The following MTAP variants were observed in gnomAD, a reference collection of about 807,000 sequenced individuals.
MTAP encodes the protein S-methyl-5'-thioadenosine phosphorylase.
A neutral mutation model predicts 33.6 loss-of-function variants in MTAP; 33 were observed. The observed-to-expected ratio is 0.98, with a 90% CI of 0.74 to 1.31. The LOEUF (loss-of-function observed/expected upper bound fraction) is 1.31, where lower values mean the gene tolerates loss of function less well. Ranked by LOEUF, MTAP falls within the 40% of genes most tolerant of loss-of-function variation. The probability of loss-of-function intolerance (pLI) is 0.00; values close to 1 mark genes in which losing one functional copy is unlikely to be tolerated. For missense variants in MTAP, 367 were observed against 360.0 expected, an observed-to-expected ratio of 1.02 and a Z score of -0.16; for synonymous variants, 148 against 125.7, an observed-to-expected ratio of 1.18 and a Z score of -1.19.
intron 4 of MTAP, among the ~76,000 whole-genome samples, chr9:21,834,643 T>C (rs1825057740): frequency 6.6e-6 from 1 of 152,216 alleles, no homozygotes. Flanking sequence ...ATGCTGACAT[T>C]GACTCTTCTG....
intron 4 of MTAP, among the ~76,000 whole-genome samples, chr9:21,820,925 T>C (rs898180328): frequency 6.6e-6 from 1 of 152,036 alleles, no homozygotes; most frequent in African/African-American, 2.4e-5. Context: ...GGCTCTCTGT[T>C]TGTCTGTTAT....
chr9:21,917,021 A>AT (rs1355301518), intron 1 of MTAP, among the ~76,000 whole-genome samples: 4 of 152,236 alleles, frequency 2.6e-5, no homozygotes, highest in Non-Finnish European at 4.4e-5. Flanking sequence ...AAGTAGAGCT[A>AT]TAAGATTTAC....
chr9:21,817,744 T>C (rs1346893802), intron 3 of MTAP, among the ~76,000 whole-genome samples: 1 of 152,064 alleles, frequency 6.6e-6, no homozygotes, highest in Admixed American at 6.5e-5. Context: ...TTACCATTTT[T>C]CTATTGGCTG....
intron 1 of MTAP, among the ~76,000 whole-genome samples, chr9:21,879,300 T>C (rs905588695): frequency 6.6e-6 from 1 of 152,190 alleles, no homozygotes; most frequent in Non-Finnish European, 1.5e-5. Flanking sequence ...TTTACCATTA[T>C]ATAATGCCCT....
In MTAP at chr9:21,873,616, CA is replaced by C. The variant is rs112032392; in HGVS notation, c.147+18747del. On this transcript the variant is annotated intron_variant, in intron 1 of 1. Transcript: ENST00000577563. ...ATCTTGGACTTCCACCCCCGCCCCC[CA>C]CCCCAAGAACTGTGAGAAACAACTT... Among the ~76,000 whole-genome samples, 468 of 99,042 alleles carry C rather than the reference CA, an allele frequency of 4.7e-3. 14 individuals are homozygous for C. Among genetic ancestry groups the C allele is most frequent in the Middle Eastern group, 0.025 (3 of 122 alleles). The allele number at this position is 99,042 out of a possible 152,430, so 65.0% of individuals were successfully genotyped here. A position where few individuals can be genotyped will look rare whatever the true frequency, so the allele number is the denominator to read the frequency against.
intron 1 of MTAP, among the ~76,000 whole-genome samples, chr9:21,875,873 T>G (rs1172034895): frequency 6.6e-6 from 1 of 152,056 alleles, no homozygotes; most frequent in Non-Finnish European, 1.5e-5. Flanking sequence ...TTGATGTATG[T>G]TCCTCTGGGT....
chr9:21,877,894 C>T (rs547595413), intron 1 of MTAP, among the ~76,000 whole-genome samples: 1 of 151,996 alleles, frequency 6.6e-6, no homozygotes, highest in Non-Finnish European at 1.5e-5. Context: ...GGGAGGAGTC[C>T]CTCCTCCTCA....
chr9:21,803,036 A>ACACACACACACACC lies in MTAP; in HGVS notation c.33+256_33+257insACACACACACACCC, dbSNP rs1020757334. On this transcript the variant is annotated intron_variant, in intron 1 of 7. Coordinates refer to ENST00000644715, the MANE Select transcript of MTAP (RefSeq NM_002451.4). ...CACACACACACACACACACACACACACCACCTTTTGGCTTATCTGCACCCG... is the reference window on the plus strand; with the variant it reads ...CACACACACACACACACACACACACACACACACACACACCCCACCTTTTGGCTTATCTGCACCCG... 179 of 1,039,780 alleles carry ACACACACACACACC rather than the reference A, an allele frequency of 1.7e-4. 2 individuals carry two copies. The highest frequency in any genetic ancestry group is 9.3e-4 in the African/African-American group (51 of 54,718). The allele number at this position is 1,039,780 out of a possible 1,614,324, so 64.4% of individuals were successfully genotyped here.
At position 21,841,302 on chromosome 9, in the gene MTAP, C is replaced by T. The variant is rs189209203; in HGVS notation, c.450+3292C>T. On this transcript the variant is annotated intron_variant, in intron 5 of 7. Transcript: ENST00000644715. ...TGGTGCTCTCTTGAAAGTGCCACCTCCTGGCTGGAGGCCAGTCAACTGAGG... is the reference window on the plus strand; with the variant it reads ...TGGTGCTCTCTTGAAAGTGCCACCTTCTGGCTGGAGGCCAGTCAACTGAGG... Among the ~76,000 whole-genome samples the T allele has an allele frequency of 2.0e-5, 3 of 152,354 alleles. No individual in the cohort carries two copies. The South Asian group carries it at 6.2e-4, about 32-fold the overall frequency.
intron 4 of MTAP, among the ~76,000 whole-genome samples, chr9:21,826,922 A>G (rs1260688556): frequency 6.6e-6 from 1 of 152,026 alleles, no homozygotes; most frequent in Admixed American, 6.5e-5. Flanking sequence ...AGGAGCAGGA[A>G]CCCAATTGTG....
downstream of MTAP, among the ~76,000 whole-genome samples, chr9:21,869,723 T>A (rs958104301): frequency 6.6e-6 from 1 of 152,212 alleles, no homozygotes; most frequent in Non-Finnish European, 1.5e-5. Flanking sequence ...TATGTCAAGA[T>A]ACTGACTATT....
intron 5 of MTAP, among the ~76,000 whole-genome samples, chr9:21,849,609 T>C (rs1168006966): frequency 6.6e-6 from 1 of 152,222 alleles, no homozygotes; most frequent in Admixed American, 6.5e-5. Context: ...CCATTCGAGC[T>C]GCCTCTACCT....
intron 1 of MTAP, among the ~76,000 whole-genome samples, chr9:21,918,093 G>GGAGGGGTTAAGGGA (rs1818721255): frequency 6.7e-6 from 1 of 148,704 alleles, no homozygotes; most frequent in African/African-American, 2.6e-5. Context: ...GGCTCCGCCT[G>GGAGGGGTTAAGGGA]TAATCCCAGC....
At chr9:21,883,657 A>G (rs1818053776) in intron 1 of MTAP, among the ~76,000 whole-genome samples, 1 of 151,266 alleles carries the variant, frequency 6.6e-6, no homozygotes, top group Non-Finnish European at 1.5e-5. Flanking sequence ...TTCAGATCTC[A>G]TTGGAGAACG....
intron 1 of MTAP, among the ~76,000 whole-genome samples, chr9:21,894,528 A>C (rs934274207): frequency 8.1e-5 from 12 of 148,254 alleles, no homozygotes; most frequent in Non-Finnish European, 1.5e-4. Flanking sequence ...GTTCTCACTC[A>C]TAGGTGGGAA....
chr9:21,870,435 A>G (rs955340725), downstream of MTAP, among the ~76,000 whole-genome samples: 1 of 152,196 alleles, frequency 6.6e-6, no homozygotes, highest in Non-Finnish European at 1.5e-5. Context: ...AGCCAATACT[A>G]TCTTGAATGT....
At chr9:21,894,263 AAG>A (rs1477158965) in intron 1 of MTAP, among the ~76,000 whole-genome samples, 1 of 151,770 alleles carries the variant, frequency 6.6e-6, no homozygotes, top group Admixed American at 6.6e-5. Flanking sequence ...TCAAAATAAT[AAG>A]AGCCATCTTT....
chr9:21,909,042 A>G (rs1176675351), intron 1 of MTAP, among the ~76,000 whole-genome samples: 1 of 152,088 alleles, frequency 6.6e-6, no homozygotes, highest in Non-Finnish European at 1.5e-5. Context: ...AAGGAAAACT[A>G]ATTACATTTA....
intron 1 of MTAP, among the ~76,000 whole-genome samples, chr9:21,874,700 T>C (rs922478040): frequency 1.3e-5 from 2 of 151,910 alleles, no homozygotes; most frequent in African/African-American, 4.8e-5. Flanking sequence ...TTTTCTTTTT[T>C]TTTTTTTTTA....
Sources: gnomAD v4.1 joint callset for allele counts (sites outside exome capture counted in the v4.1 genomes callset) on GRCh38, gnomAD v4.1.1 for gene constraint, MANE v1.5 for transcripts, NCBI Gene and HGNC (gene_info 2026-07-23, HGNC 2026-07-21) for gene names.